The following HCN1 variants were observed in gnomAD, a reference collection of about 807,000 sequenced individuals.
The protein encoded by HCN1 is potassium/sodium hyperpolarization-activated cyclic nucleotide-gated channel 1.
Under a neutral mutation model 78.9 loss-of-function variants are expected in HCN1, and 13 were observed. The observed-to-expected ratio is 0.16, with a 90% CI of 0.11 to 0.26. The LOEUF is 0.26. Among genes scored for constraint, HCN1 ranks in the 10% least tolerant of loss-of-function variants. HCN1 has a pLI of 1.00. For synonymous variants in HCN1, 552 were observed against 455.5 expected, an observed-to-expected ratio of 1.21 and a Z score of -2.70; for missense variants, 810 against 1,154.3, an observed-to-expected ratio of 0.70 and a Z score of 4.32.
intron 3 of HCN1, among the ~76,000 whole-genome samples, chr5:45,413,477 C>G (rs1740062669): frequency 6.6e-6 from 1 of 151,958 alleles, no homozygotes; most frequent in African/African-American, 2.4e-5. Flanking sequence ...ACATAGCTGA[C>G]TGATGATTCC....
chr5:45,635,011 G>A (rs1355626073), intron 2 of HCN1, among the ~76,000 whole-genome samples: 3 of 151,970 alleles, frequency 2.0e-5, no homozygotes, highest in Non-Finnish European at 4.4e-5. Context: ...ATAGTTCCTG[G>A]ATTCTAAATT....
At chr5:45,513,384 A>G (rs1235773560) in intron 2 of HCN1, among the ~76,000 whole-genome samples, 3 of 152,132 alleles carry the variant, frequency 2.0e-5, no homozygotes, top group African/African-American at 7.2e-5. Flanking sequence ...AATATGTAAA[A>G]AACACATTTT....
intron 1 of HCN1, among the ~76,000 whole-genome samples, chr5:45,651,832 G>T (rs1482014250): frequency 1.3e-5 from 2 of 151,960 alleles, no homozygotes; most frequent in Non-Finnish European, 2.9e-5. Context: ...TCCATGGAGG[G>T]TGGGAAGGAA....
intron 5 of HCN1, among the ~76,000 whole-genome samples, chr5:45,312,563 C>T (rs1025829711): frequency 4.6e-5 from 7 of 152,244 alleles, no homozygotes; most frequent in South Asian, 2.1e-4. Flanking sequence ...TGAAGCAGGG[C>T]GAGGCATAGC....
chr5:45,307,956 C>A (rs1745770228), intron 5 of HCN1, among the ~76,000 whole-genome samples: 1 of 152,038 alleles, frequency 6.6e-6, no homozygotes, highest in Admixed American at 6.6e-5. Flanking sequence ...AGTTTGGATG[C>A]TTGGCACTTC....
chr5:45,341,268 G>T (rs1579823494), intron 5 of HCN1, among the ~76,000 whole-genome samples: 2 of 152,266 alleles, frequency 1.3e-5, no homozygotes, highest in East Asian at 3.9e-4. Flanking sequence ...ACCTGTTTTT[G>T]CCTTATTTGA....
At chr5:45,652,023 C>G (rs544535338) in intron 1 of HCN1, among the ~76,000 whole-genome samples, 1 of 151,946 alleles carries the variant, frequency 6.6e-6, no homozygotes, top group South Asian at 2.1e-4. Context: ...AATAAACTAG[C>G]AATTTATCCA....
At position 45,611,518 on chromosome 5, in the gene HCN1, C is replaced by T. The variant is rs1185378283; in HGVS notation, c.849+33667G>A. On this transcript the variant is annotated intron_variant, in intron 2 of 7. Coordinates refer to ENST00000303230, the MANE Select transcript of HCN1 (RefSeq NM_021072.4). ...AACTCCTGAGCTCAAGTGACTTGCTCGCTTCAGTCTCCCAAAGTTCTGGGA... is the reference window on the plus strand; with the variant it reads ...AACTCCTGAGCTCAAGTGACTTGCTTGCTTCAGTCTCCCAAAGTTCTGGGA... 3.3e-5 allele frequency among the ~76,000 whole-genome samples: 5 copies of T among 151,776 alleles called. 1 individual carries two copies. Among genetic ancestry groups the T allele is most frequent in the African/African-American group, 1.2e-4 (5 of 41,354 alleles).
intron 2 of HCN1, among the ~76,000 whole-genome samples, chr5:45,550,323 A>T (rs1231746634): frequency 6.6e-6 from 1 of 152,214 alleles, no homozygotes; most frequent in Non-Finnish European, 1.5e-5. Context: ...AGCCATAAAA[A>T]ATGATGAGTT....
At chr5:45,584,757 T>C (rs535439857) in intron 2 of HCN1, among the ~76,000 whole-genome samples, 1 of 152,314 alleles carries the variant, frequency 6.6e-6, no homozygotes, top group South Asian at 2.1e-4. Flanking sequence ...TTTGCTTGTC[T>C]GTAAAGGATT....
At chr5:45,349,834 A>G (rs1422912946) in intron 5 of HCN1, among the ~76,000 whole-genome samples, 1 of 152,182 alleles carries the variant, frequency 6.6e-6, no homozygotes, top group East Asian at 1.9e-4. Flanking sequence ...GAAGAAGTTG[A>G]ATCTCTGAAT....
rs1740005197 is a variant in HCN1, at chr5:45,696,001, C to T, written c.93G>A (p.Gly31=). The change falls in exon 1 of 8, where the codon GGG becomes GGA. Residue 31 remains glycine (G), a synonymous_variant. Transcript: ENST00000303230. ...FPAKASATGA[G]PAAAEKRLGT... ...CCAGGCGCTTCTCGGCCGCGGCCGGCCCCGCGCCCGTCGCGGACGCCTTGG... is the reference window on the plus strand; with the variant it reads ...CCAGGCGCTTCTCGGCCGCGGCCGGTCCCGCGCCCGTCGCGGACGCCTTGG... 3 of 1,299,970 alleles carry T rather than the reference C, an allele frequency of 2.3e-6. No homozygotes were observed. The highest frequency in any genetic ancestry group is 2.9e-6 in the Non-Finnish European group (3 of 1,019,004). The allele number at this position is 1,299,970 out of a possible 1,614,324, so 80.5% of individuals were successfully genotyped here.
At chr5:45,509,227 G>T (rs1742362862) in intron 2 of HCN1, among the ~76,000 whole-genome samples, 1 of 152,068 alleles carries the variant, frequency 6.6e-6, no homozygotes, top group South Asian at 2.1e-4. Context: ...CGGAGAGATT[G>T]CCACATAATA....
intron 2 of HCN1, chr5:45,558,364 G>A (rs1013689798): frequency 6.6e-6 from 1 of 152,066 alleles, no homozygotes; most frequent in African/African-American, 2.4e-5. Context: ...TAAGGAAAGA[G>A]GCTGTTTCCA....
rs559191446 is a variant in HCN1, at chr5:45,494,065, G to C, written c.850-32058C>G. On this transcript the variant is annotated intron_variant, in intron 2 of 7. Transcript: ENST00000303230. ...GAATAATGCCGCAATAAACATACGT[G>C]TGCATGTGTCTTTATAGCAGCATGA... Among the ~76,000 whole-genome samples, 260 of 152,110 alleles carry C rather than the reference G, an allele frequency of 1.7e-3. 1 individual carries two copies. The highest frequency in any genetic ancestry group is 5.9e-3 in the African/African-American group (244 of 41,498).
intron 3 of HCN1, among the ~76,000 whole-genome samples, chr5:45,445,878 A>C (rs1740784149): frequency 6.6e-6 from 1 of 152,196 alleles, no homozygotes; most frequent in South Asian, 2.1e-4. Context: ...CACACCAAAA[A>C]CCCATCTGTA....
At chr5:45,326,969 A>G (rs1344411413) in intron 5 of HCN1, among the ~76,000 whole-genome samples, 1 of 151,758 alleles carries the variant, frequency 6.6e-6, no homozygotes, top group Non-Finnish European at 1.5e-5. Context: ...TATAAAGGGA[A>G]AAATATAGAA....
At chr5:45,503,540 TTGAG>T (rs1315080272) in intron 2 of HCN1, among the ~76,000 whole-genome samples, 4 of 152,324 alleles carry the variant, frequency 2.6e-5, no homozygotes, top group South Asian at 4.1e-4. Flanking sequence ...ATTTTTAACA[TTGAG>T]TATTTGATGA....
intron 5 of HCN1, among the ~76,000 whole-genome samples, chr5:45,323,118 T>C (rs1454573227): frequency 6.6e-6 from 1 of 151,886 alleles, no homozygotes; most frequent in African/African-American, 2.4e-5. Flanking sequence ...GATATACTTC[T>C]TCAATTGTAA....
Sources: allele counts gnomAD v4.1 joint callset (sites outside exome capture counted in the v4.1 genomes callset), GRCh38; gene constraint gnomAD v4.1.1; transcripts MANE v1.5; gene names NCBI Gene and HGNC (gene_info 2026-07-23, HGNC 2026-07-21).